Variants in GAREM1 observed in about 807,000 individuals in gnomAD.
GAREM1 encodes the protein GRB2 associated regulator of MAPK1 subtype 1.
In GAREM1, 26 loss-of-function variants were observed where a neutral mutation model predicts 71.3. That is an observed-to-expected ratio of 0.36 (90% confidence interval 0.27 to 0.51). The LOEUF (loss-of-function observed/expected upper bound fraction) is 0.51. Among genes scored for constraint, GAREM1 ranks in the 20% least tolerant of loss-of-function variants. The pLI is 0.95. For missense variants in GAREM1, 1,026 were observed against 1,103.1 expected, an observed-to-expected ratio of 0.93 and a Z score of 0.99; for synonymous variants, 440 against 433.2, an observed-to-expected ratio of 1.02 and a Z score of -0.20.
At chr18:32,345,514 T>G (rs914671329) in intron 2 of GAREM1, among the ~76,000 whole-genome samples, 5 of 152,134 alleles carry the variant, frequency 3.3e-5, no homozygotes, top group Admixed American at 6.5e-5. Context: ...GTTCTTCAAG[T>G]AGAGTAAAAA....
At chr18:32,384,752 G>A (rs2048129621) in intron 2 of GAREM1, among the ~76,000 whole-genome samples, 1 of 152,112 alleles carries the variant, frequency 6.6e-6, no homozygotes, top group South Asian at 2.1e-4. Context: ...ATTTCCTTGA[G>A]TTATTATTAA....
At chr18:32,286,321 A>AGTGTGTGTGTGTGTGTGT (rs140225815) in intron 4 of GAREM1, among the ~76,000 whole-genome samples, 13 of 143,234 alleles carry the variant, frequency 9.1e-5, no homozygotes, top group African/African-American at 2.0e-4. Flanking sequence ...CTGGTTCTGG[A>AGTGTGTGTGTGTGTGTGT]GTGTGTGTGT....
Position 32,343,311 on chromosome 18 carries a change from G to GTTTTTTTTT in GAREM1, c.263-32997_263-32989dup, listed in dbSNP as rs35086441. 1.4e-3 allele frequency among the ~76,000 whole-genome samples: 169 copies of GTTTTTTTTT among 118,850 alleles called. 2 individuals carry two copies. Among genetic ancestry groups the GTTTTTTTTT allele is most frequent in the African/African-American group, 5.5e-3 (165 of 29,814 alleles). 78.0% of individuals were successfully genotyped at this position (118,850 alleles called of 152,430 possible). On this transcript the variant is annotated intron_variant, in intron 2 of 5. Coordinates refer to ENST00000269209, the MANE Select transcript of GAREM1 (RefSeq NM_001242409.2). ...AGCTAAAAGAGTACTCTCCCCCACT[G>GTTTTTTTTT]TTTTTTTTTTTTTTTTTTTTTGAGA...
Position 32,287,640 on chromosome 18 carries a change from G to T in GAREM1, c.957C>A (p.Pro319=). 1.9e-6 allele frequency: 3 copies of T among 1,614,136 alleles called. No individual in the cohort carries two copies. Among genetic ancestry groups the T allele is most frequent in the Non-Finnish European group, 2.5e-6 (3 of 1,180,028 alleles). The change falls in exon 4 of 6, where the codon CCC becomes CCA. Residue 319 remains proline, a synonymous_variant. Transcript: ENST00000269209. This position sits in a 1 kb window ranked among gnomAD's most constrained non-coding sequence, Gnocchi z 5.9. ...PEHLVKGESW[P]ETLVHHWLGI... is the part of the protein sequence containing the mutation. ...CTAGCCAGTGATGGACCAGGGTTTC[G>T]GGCCAGCTCTCTCCCTTCACCAGGT...
intron 2 of GAREM1, among the ~76,000 whole-genome samples, chr18:32,346,770 T>G (rs2047701215): frequency 6.6e-6 from 1 of 152,210 alleles, no homozygotes; most frequent in South Asian, 2.1e-4. Context: ...TCAAAAACTT[T>G]TAATAAGGTT....
intron 1 of GAREM1, among the ~76,000 whole-genome samples, chr18:32,395,961 G>A (rs1395523210): frequency 2.0e-5 from 3 of 152,176 alleles, no homozygotes; most frequent in Admixed American, 6.5e-5. Flanking sequence ...CCTCTGAGAC[G>A]AAGCTTCCAG....
chr18:32,444,192 G>A (rs1381128334), intron 1 of GAREM1, among the ~76,000 whole-genome samples: 4 of 152,178 alleles, frequency 2.6e-5, no homozygotes, highest in Admixed American at 2.0e-4. Context: ...TTAACAAATG[G>A]TGATGGTTGC....
rs553348579 is a variant in GAREM1 at position 32,447,175 on chromosome 18, G to C, written c.121+23133C>G. On this transcript the variant is annotated intron_variant, in intron 1 of 5. Coordinates refer to ENST00000269209, the MANE Select transcript of GAREM1 (RefSeq NM_001242409.2). ...ATTTACATTCAGTAGGAAGCTGTGCGTGGGTTTCTGATAATTCATTTACAT... is the reference window on the plus strand; with the variant it reads ...ATTTACATTCAGTAGGAAGCTGTGCCTGGGTTTCTGATAATTCATTTACAT... Among the ~76,000 whole-genome samples the C allele has an allele frequency of 8.5e-5, 13 of 152,276 alleles. No homozygotes were observed. The South Asian group carries it at 2.7e-3, about 32-fold the overall frequency.
At chr18:32,276,972 G>T (rs769844889) in intron 4 of GAREM1, among the ~76,000 whole-genome samples, 2 of 152,220 alleles carry the variant, frequency 1.3e-5, no homozygotes, top group Non-Finnish European at 2.9e-5. Context: ...GAAGCCAAGG[G>T]AGGGAGAGCT....
intron 2 of GAREM1, among the ~76,000 whole-genome samples, 199 bp downstream of exon 2, chr18:32,392,696 C>T (rs1260304984): frequency 6.6e-6 from 1 of 152,082 alleles, no homozygotes; most frequent in Admixed American, 6.6e-5. Flanking sequence ...AATAAGAATC[C>T]TCATTTAACT....
At chr18:32,437,191 G>A (rs1054200480) in intron 1 of GAREM1, among the ~76,000 whole-genome samples, 4 of 152,172 alleles carry the variant, frequency 2.6e-5, no homozygotes, top group Admixed American at 2.6e-4. Context: ...GACAGAGCCA[G>A]GAGACGTGGG....
At chr18:32,362,145 C>T (rs997053051) in intron 2 of GAREM1, among the ~76,000 whole-genome samples, 1 of 152,166 alleles carries the variant, frequency 6.6e-6, no homozygotes, top group Non-Finnish European at 1.5e-5. Flanking sequence ...TTCACCATCT[C>T]CCATACCAGA....
At chr18:32,435,254 G>GA (rs558084299) in intron 1 of GAREM1, among the ~76,000 whole-genome samples, 13 of 149,018 alleles carry the variant, frequency 8.7e-5, no homozygotes, top group South Asian at 4.3e-4. Context: ...ATCTTGGGAT[G>GA]AAAAAAAAAC....
At chr18:32,283,119 A>T (rs2046971003) in intron 4 of GAREM1, among the ~76,000 whole-genome samples, 1 of 152,254 alleles carries the variant, frequency 6.6e-6, no homozygotes, top group Admixed American at 6.5e-5. Flanking sequence ...GCTCAGCTGC[A>T]ACAGTTCTAG....
intron 2 of GAREM1, among the ~76,000 whole-genome samples, chr18:32,366,472 G>A (rs1168630311): frequency 2.0e-5 from 3 of 152,156 alleles, no homozygotes; most frequent in Admixed American, 6.6e-5. Flanking sequence ...GCAAGAAAGA[G>A]ACTTTAAAGT....
chr18:32,426,053 C>T (rs962246037), intron 1 of GAREM1, among the ~76,000 whole-genome samples: 3 of 152,118 alleles, frequency 2.0e-5, no homozygotes, highest in African/African-American at 7.2e-5. Flanking sequence ...GAATCTTGAT[C>T]TGTCGCCCAG....
At chr18:32,367,066 T>G (rs1391948477) in intron 2 of GAREM1, among the ~76,000 whole-genome samples, 2 of 152,194 alleles carry the variant, frequency 1.3e-5, no homozygotes, top group Admixed American at 6.5e-5. Context: ...TCAAATTTAT[T>G]CATGTCAAAC....
At chr18:32,453,905 G>A (rs1222638414) in intron 1 of GAREM1, among the ~76,000 whole-genome samples, 1 of 151,998 alleles carries the variant, frequency 6.6e-6, no homozygotes. Flanking sequence ...TGGAAACTGT[G>A]TTAGTGCTGG....
rs550292188 is a variant in GAREM1 at position 32,377,765 on chromosome 18, A to G, written c.262+15130T>C. 2.6e-5 allele frequency among the ~76,000 whole-genome samples: 4 copies of G among 152,190 alleles called. No homozygotes were observed. In the East Asian group the frequency reaches 7.8e-4, roughly 30 times the overall value. ...TTTTTAGTAGATATGGGGTTTCACC[A>G]TGTTAGCCAGGCTGGTCTTGATCCC... On this transcript the variant is annotated intron_variant, in intron 2 of 5. Transcript: ENST00000269209.
Sources: gnomAD v4.1 joint callset for allele counts (sites outside exome capture counted in the v4.1 genomes callset) on GRCh38, gnomAD v4.1.1 for gene constraint, Gnocchi (gnomAD v3.1) non-coding constraint, MANE v1.5 for transcripts, NCBI Gene and HGNC (gene_info 2026-07-23, HGNC 2026-07-21) for gene names.